Variants in MACF1 observed in about 807,000 individuals in gnomAD.
MACF1 encodes the protein microtubule actin crosslinking factor 1, also known as microtubule-actin cross-linking factor 1.
MACF1 carries 193 observed loss-of-function variants against 854.8 expected under a neutral mutation model. The observed-to-expected ratio is 0.23, with a 90% confidence interval of 0.20 to 0.25. MACF1 has a LOEUF of 0.25. MACF1 is among the 10% of genes least tolerant of loss of function. MACF1 has a pLI of 1.00. For synonymous variants in MACF1, 3,185 were observed against 3,226.7 expected (o/e 0.99, Z 0.44); for missense variants, 7,722 against 8,929.1 (o/e 0.86, Z 5.45).
intron 1 of MACF1, among the ~76,000 whole-genome samples, chr1:39,213,237 G>A (rs1023156233): frequency 3.9e-5 from 6 of 152,228 alleles, no homozygotes; most frequent in Non-Finnish European, 7.3e-5. Context: ...TATAGTAAAT[G>A]TTCAGTTAAT....
chr1:39,269,771 C>T (rs1020068461), intron 6 of MACF1: 1 of 1,234,850 alleles, frequency 8.1e-7, no homozygotes, highest in Admixed American at 2.5e-5. Flanking sequence ...GATTCTTGGC[C>T]CTCAAACATA....
At chr1:39,209,474 G>C (rs557003324) in intron 1 of MACF1, among the ~76,000 whole-genome samples, 4 of 152,130 alleles carry the variant, frequency 2.6e-5, no homozygotes, top group Admixed American at 6.5e-5. Context: ...TTCCTCTCTA[G>C]GGTCTTGTTT....
At chr1:39,322,517 C>T (rs1310180200) in intron 31 of MACF1, 91 bp from the exon 32 acceptor site, 24 of 1,143,712 alleles carry the variant, frequency 2.1e-5, no homozygotes, top group Admixed American at 3.7e-5. Context: ...GTCACCAAAA[C>T]GCTTCCAGCA....
intron 2 of MACF1, among the ~76,000 whole-genome samples, chr1:39,136,796 AAAG>A (rs1206885632): frequency 9.2e-5 from 14 of 152,370 alleles, no homozygotes; most frequent in South Asian, 2.1e-4. Flanking sequence ...GAATTTTAAA[AAAG>A]AATCTATTTT....
At chr1:39,229,171 G>A (rs1644750836) in intron 1 of MACF1, among the ~76,000 whole-genome samples, 1 of 152,162 alleles carries the variant, frequency 6.6e-6, no homozygotes, top group Non-Finnish European at 1.5e-5. Flanking sequence ...TGTTGTTGAA[G>A]GGATTTGTGT....
chr1:39,315,662 C>G lies in MACF1; in HGVS notation c.3420C>G (p.Val1140=), dbSNP rs757148127. Residue 1140 remains valine (V), a synonymous_variant, in exon 27 of 101, where the codon GTC becomes GTG. Transcript: ENST00000564288. ...LNLLVEKMDH[V]YGLSTVYLNK... ...TGCTGGTGGAGAAGATGGACCATGT[C>G]TATGGTCTCTCTACTGTATATCTGA... The G allele has an allele frequency of 6.2e-7, 1 of 1,614,050 alleles. No homozygotes were observed. Among genetic ancestry groups the G allele is most frequent in the Non-Finnish European group, 8.5e-7 (1 of 1,179,984 alleles).
At position 39,460,577 on chromosome 1, in the gene MACF1, C is replaced by G; in HGVS notation, c.21361-55C>G. The G allele has an allele frequency of 6.5e-7, 1 of 1,531,022 alleles. No individual in the cohort carries two copies. The highest frequency in any genetic ancestry group is 9.0e-7 in the Non-Finnish European group (1 of 1,106,980). The allele number at this position is 1,531,022 out of a possible 1,614,324, so 94.8% of individuals were successfully genotyped here. A position where few individuals can be genotyped will look rare whatever the true frequency, so the allele number is the denominator to read the frequency against. ...TCTGAAAGTTTGGGTATGCTCTGGG[C>G]AGCTTTTGAGGGCCCAAAAAATAAA... On this transcript the variant is annotated intron_variant, in intron 91 of 100. Transcript: ENST00000564288. The surrounding 1 kb of genome is among the most constrained non-coding windows in gnomAD (Gnocchi z 4.1).
chr1:39,102,827 C>CA, intron 2 of MACF1: 1 of 702,524 alleles, frequency 1.4e-6, no homozygotes, highest in Non-Finnish European at 2.6e-6. Context: ...AGAGCTTTTG[C>CA]GACTGTGTGG....
chr1:39,268,848 A>G, intron 6 of MACF1: 1 of 1,289,794 alleles, frequency 7.8e-7, no homozygotes, highest in Non-Finnish European at 1.0e-6. Flanking sequence ...CCAGGAAGAA[A>G]CCTCAGAAGG....
At chr1:39,374,624 G>A (rs1649552196) in intron 52 of MACF1, among the ~76,000 whole-genome samples, 1 of 152,122 alleles carries the variant, frequency 6.6e-6, no homozygotes, top group Non-Finnish European at 1.5e-5. Context: ...AACAAAAACA[G>A]CCAAAGACAA....
At chr1:39,224,697 A>T (rs977438968) in intron 1 of MACF1, among the ~76,000 whole-genome samples, 5 of 152,114 alleles carry the variant, frequency 3.3e-5, no homozygotes, top group African/African-American at 1.2e-4. Flanking sequence ...CAGACTAGGG[A>T]GTATTGTTGG....
At chr1:39,422,072 C>G (rs894997337) in intron 58 of MACF1, among the ~76,000 whole-genome samples, 1 of 150,912 alleles carries the variant, frequency 6.6e-6, no homozygotes, top group Admixed American at 6.6e-5. Flanking sequence ...GAGACTCTGT[C>G]TCCAAAAAAA....
At position 39,333,503 on chromosome 1, in the gene MACF1, G is replaced by A. The variant is rs150558377; in HGVS notation, c.6915G>A (p.Lys2305=). ...GGIFHEQTGQ[K]LLLNEAISRG... ...TCTTTCATGAACAAACAGGTCAAAA[G>A]CTCTTACTAAATGAAGCAATATCCC... The change falls in exon 37 of 101, where the codon AAG becomes AAA. Residue 2305 remains lysine, a synonymous_variant. Coordinates refer to ENST00000564288, the MANE Select transcript of MACF1 (RefSeq NM_001394062.1). 9.3e-6 allele frequency: 15 copies of A among 1,614,034 alleles called. No homozygotes were observed. In the African/African-American group the frequency reaches 1.9e-4, roughly 20 times the overall value.
At chr1:39,472,287 A>G (rs973392045) in intron 97 of MACF1, among the ~76,000 whole-genome samples, 7 of 152,194 alleles carry the variant, frequency 4.6e-5, no homozygotes, top group African/African-American at 1.7e-4. Flanking sequence ...TACTAAATTC[A>G]AGTGCTAGTA....
Position 39,473,517 on chromosome 1 carries a change from T to C in MACF1, c.21958+3902T>C, listed in dbSNP as rs139388676. 7.7e-3 allele frequency among the ~76,000 whole-genome samples: 1,177 copies of C among 152,312 alleles called. 12 individuals are homozygous for C. The highest frequency in any genetic ancestry group is 0.026 in the African/African-American group (1,084 of 41,568). ...AGTCATGAAAATTCATGGATTTGCA[T>C]TTGTTTCTGCTGTGCAAGAGAGCCG... On this transcript the variant is annotated intron_variant, in intron 97 of 100. Coordinates refer to ENST00000564288, the MANE Select transcript of MACF1 (RefSeq NM_001394062.1).
intron 4 of MACF1, among the ~76,000 whole-genome samples, chr1:39,252,268 C>A (rs1270361954): frequency 6.6e-6 from 1 of 152,148 alleles, no homozygotes; most frequent in Admixed American, 6.5e-5. Context: ...GTCCAGATTG[C>A]AGAATTGTGG....
chr1:39,406,738 C>CAAAAAAAAAAAAAAAAA lies in MACF1; in HGVS notation c.15817-15632_15817-15616dup, dbSNP rs5773658. On this transcript the variant is annotated intron_variant, in intron 58 of 100. Transcript: ENST00000564288. ...CGACAGAGTGAGACAGAGTCTCACT[C>CAAAAAAAAAAAAAAAAA]AAAAAAAAAAAAAAAAAAAACATTC... Among the ~76,000 whole-genome samples, 25 of 31,806 alleles carry CAAAAAAAAAAAAAAAAA rather than the reference C, an allele frequency of 7.9e-4. 1 individual carries two copies. The highest frequency in any genetic ancestry group is 2.7e-3 in the African/African-American group (18 of 6,766). The allele number at this position is 31,806 out of a possible 152,430, so 20.9% of individuals were successfully genotyped here. A position where few individuals can be genotyped will look rare whatever the true frequency, so the allele number is the denominator to read the frequency against.
intron 6 of MACF1, among the ~76,000 whole-genome samples, chr1:39,274,993 C>CA (rs1355749314): frequency 1.3e-5 from 2 of 148,946 alleles, no homozygotes; most frequent in Non-Finnish European, 3.0e-5. Flanking sequence ...AAGCAATTCA[C>CA]AAAAAAAGGA....
chr1:39,320,311 C>G (rs1248540714), intron 31 of MACF1, among the ~76,000 whole-genome samples: 3 of 152,150 alleles, frequency 2.0e-5, no homozygotes, highest in African/African-American at 7.2e-5. Context: ...AGGCTATTTT[C>G]CCACAGAGTA....
Sources: gnomAD v4.1 joint callset for allele counts (sites outside exome capture counted in the v4.1 genomes callset) on GRCh38, gnomAD v4.1.1 for gene constraint, Gnocchi (gnomAD v3.1) non-coding constraint, MANE v1.5 for transcripts, NCBI Gene and HGNC (gene_info 2026-07-23, HGNC 2026-07-21) for gene names.